SFMBT2: variants seen among roughly 807,000 people sequenced by gnomAD.
The protein encoded by SFMBT2 is Scm like with four mbt domains 2.
Under a neutral mutation model 110.1 loss-of-function variants are expected in SFMBT2, and 38 were observed. That is an observed-to-expected ratio of 0.35 (90% CI 0.27 to 0.45). The LOEUF is 0.45. SFMBT2 is among the 20% of genes least tolerant of loss of function. SFMBT2 has a pLI of 1.00. For missense variants in SFMBT2, 1,011 were observed against 1,094.9 expected (o/e 0.92, Z 1.08); for synonymous variants, 425 against 425.4 (o/e 1.00, Z 0.01).
intron 11 of SFMBT2, among the ~76,000 whole-genome samples, chr10:7,214,032 A>G (rs1192132218): frequency 1.3e-5 from 2 of 152,212 alleles, no homozygotes; most frequent in Non-Finnish European, 2.9e-5. Flanking sequence ...CCACCCCAGG[A>G]CTGTGCAGAA....
intron 15 of SFMBT2, among the ~76,000 whole-genome samples, chr10:7,189,408 G>C (rs948462088): frequency 3.3e-5 from 5 of 152,020 alleles, no homozygotes; most frequent in Non-Finnish European, 7.4e-5. Flanking sequence ...GCATTTCTAA[G>C]AGTTCCAGCT....
intron 20 of SFMBT2, chr10:7,164,503 TGC>T: frequency 1.1e-6 from 1 of 939,624 alleles, no homozygotes; most frequent in Non-Finnish European, 1.3e-6. Context: ...GGTGGGTTGC[TGC>T]GGGAATTGCT....
chr10:7,267,688 C>T (rs1841439087), intron 7 of SFMBT2, among the ~76,000 whole-genome samples: 1 of 152,184 alleles, frequency 6.6e-6, no homozygotes, highest in African/African-American at 2.4e-5. Flanking sequence ...TGCATAATTC[C>T]CTGCACTCTA....
At chr10:7,209,080 G>T (rs1367409610) in intron 11 of SFMBT2, among the ~76,000 whole-genome samples, 1 of 152,128 alleles carries the variant, frequency 6.6e-6, no homozygotes, top group African/African-American at 2.4e-5. Context: ...TAAATAATGG[G>T]TACCAAGTTC....
chr10:7,388,151 G>C (rs1201220531), intron 1 of SFMBT2, among the ~76,000 whole-genome samples: 1 of 151,866 alleles, frequency 6.6e-6, no homozygotes, highest in Non-Finnish European at 1.5e-5. Flanking sequence ...GGCATGCGAA[G>C]GCATCTGTAA....
In SFMBT2 at chr10:7,317,641, C is replaced by CAA. The variant is rs56181512; in HGVS notation, c.437-31689_437-31688dup. ...GGGCAACAAGAACAAAACTCCGTCT[C>CAA]AAAAAAAAAAAAAAAAAGTACACAT... is the stretch of plus-strand genomic sequence containing the variant. On this transcript the variant is annotated intron_variant, in intron 4 of 20. Coordinates refer to ENST00000397167, the MANE Select transcript of SFMBT2 (RefSeq NM_001387889.1). Among the ~76,000 whole-genome samples, 17 of 92,834 alleles carry CAA rather than the reference C, an allele frequency of 1.8e-4. 1 individual carries two copies. Among genetic ancestry groups the CAA allele is most frequent in the East Asian group, 9.2e-4 (3 of 3,254 alleles). 60.9% of individuals were successfully genotyped at this position (92,834 alleles called of 152,430 possible). A position where few individuals can be genotyped will look rare whatever the true frequency, so the allele number is the denominator to read the frequency against.
chr10:7,242,841 T>A (rs1322537770), intron 9 of SFMBT2, among the ~76,000 whole-genome samples: 1 of 152,230 alleles, frequency 6.6e-6, no homozygotes, highest in Non-Finnish European at 1.5e-5. Context: ...CAAAACCCCT[T>A]ATTATTTAAG....
chr10:7,320,284 C>A (rs573021967), intron 4 of SFMBT2, among the ~76,000 whole-genome samples: 1 of 152,304 alleles, frequency 6.6e-6, no homozygotes, highest in Admixed American at 6.5e-5. Context: ...TAATGACTCA[C>A]TTTTATCTAG....
intron 9 of SFMBT2, 32 bp from the exon 10 acceptor site, chr10:7,227,969 C>T (rs1331585515): frequency 4.0e-6 from 6 of 1,518,442 alleles, no homozygotes; most frequent in Non-Finnish European, 5.3e-6. Context: ...TAAAACAGCG[C>T]ACATTAAGCA....
At chr10:7,224,940 A>G (rs899250677) in intron 10 of SFMBT2, among the ~76,000 whole-genome samples, 1 of 152,222 alleles carries the variant, frequency 6.6e-6, no homozygotes, top group Non-Finnish European at 1.5e-5. Flanking sequence ...AAATATAACT[A>G]TATCTTTATG....
At chr10:7,406,068 G>C (rs935793705) in intron 1 of SFMBT2, among the ~76,000 whole-genome samples, 1 of 151,452 alleles carries the variant, frequency 6.6e-6, no homozygotes. Context: ...ATGCCATTTT[G>C]GTACAAAAAC....
intron 4 of SFMBT2, among the ~76,000 whole-genome samples, chr10:7,299,950 C>T (rs1842511541): frequency 1.3e-5 from 2 of 152,044 alleles, no homozygotes; most frequent in Admixed American, 1.3e-4. Flanking sequence ...ACATATACAC[C>T]ATGCAGCCAT....
intron 4 of SFMBT2, among the ~76,000 whole-genome samples, chr10:7,300,566 G>A (rs1842529628): frequency 2.0e-5 from 3 of 151,508 alleles, no homozygotes; most frequent in African/African-American, 7.3e-5. Flanking sequence ...TGCCCACCCA[G>A]CCCGGGAATT....
At chr10:7,295,321 T>C (rs1842376409) in intron 4 of SFMBT2, 1 of 152,238 alleles carries the variant, frequency 6.6e-6, no homozygotes, top group African/African-American at 2.4e-5. Context: ...TCCAGGAGAC[T>C]GGGACCACCC....
intron 15 of SFMBT2, among the ~76,000 whole-genome samples, chr10:7,195,992 A>G (rs1838754504): frequency 6.6e-6 from 1 of 152,154 alleles, no homozygotes; most frequent in Non-Finnish European, 1.5e-5. Context: ...TTTTTTAAAT[A>G]AAAAGGTCTT....
chr10:7,387,563 G>T (rs796247469), intron 1 of SFMBT2, among the ~76,000 whole-genome samples: 13 of 152,008 alleles, frequency 8.6e-5, no homozygotes, highest in Non-Finnish European at 1.9e-4. Flanking sequence ...GGGTGGGCCG[G>T]GGGGTGCATC....
intron 4 of SFMBT2, among the ~76,000 whole-genome samples, chr10:7,288,137 A>T (rs1283118846): frequency 6.6e-6 from 1 of 152,230 alleles, no homozygotes; most frequent in African/African-American, 2.4e-5. Flanking sequence ...CAGAACAGCC[A>T]GTAGAATGGA....
chr10:7,300,243 A>G (rs1469309834), intron 4 of SFMBT2, among the ~76,000 whole-genome samples: 1 of 151,970 alleles, frequency 6.6e-6, no homozygotes, highest in Non-Finnish European at 1.5e-5. Flanking sequence ...CATGGCACAC[A>G]TAACCTATGT....
At chr10:7,261,408 T>A (rs1482889686) in intron 7 of SFMBT2, among the ~76,000 whole-genome samples, 2 of 152,218 alleles carry the variant, frequency 1.3e-5, no homozygotes, top group Non-Finnish European at 2.9e-5. Context: ...TGGCTCCCTG[T>A]CCCATTGTTT....
Sources: allele counts gnomAD v4.1 joint callset (sites outside exome capture counted in the v4.1 genomes callset), GRCh38; gene constraint gnomAD v4.1.1; transcripts MANE v1.5; gene names NCBI Gene and HGNC (gene_info 2026-07-23, HGNC 2026-07-21).